Variants in GRIK2 observed in about 807,000 individuals in gnomAD.
The protein encoded by GRIK2 is glutamate ionotropic receptor kainate type subunit 2.
A neutral mutation model predicts 100.3 loss-of-function variants in GRIK2; 32 were observed. The ratio of observed to expected loss-of-function variants is 0.32; its 90% CI spans 0.24 to 0.43. GRIK2 has a LOEUF of 0.43. GRIK2 is among the 20% of genes least tolerant of loss of function. The pLI, the probability that GRIK2 is intolerant of heterozygous loss-of-function variation, is 1.00. For missense variants in GRIK2, 843 were observed against 1,114.9 expected (o/e 0.76, Z 3.47); for synonymous variants, 417 against 389.4 (o/e 1.07, Z -0.83).
At chr6:101,484,505 A>G (rs1772707952) in intron 2 of GRIK2, among the ~76,000 whole-genome samples, 1 of 151,444 alleles carries the variant, frequency 6.6e-6, no homozygotes, top group Admixed American at 6.6e-5. Context: ...CTTACACTGT[A>G]TTTTTATAAC....
chr6:101,937,329 CTG>C (rs1790678973), intron 14 of GRIK2, among the ~76,000 whole-genome samples: 1 of 152,114 alleles, frequency 6.6e-6, no homozygotes, highest in Admixed American at 6.6e-5. Context: ...AGCTCAAACA[CTG>C]TGTCCCAACT....
In GRIK2 at chr6:102,006,386, ATATATTTT is replaced by A. The variant is rs1169647782; in HGVS notation, c.2086-28953_2086-28946del. On this transcript the variant is annotated intron_variant, in intron 14 of 16. Coordinates refer to ENST00000369134, the MANE Select transcript of GRIK2 (RefSeq NM_021956.5). ...AAACCTTTTATATATATATATATAT[ATATATTTT>A]TTTTTTTTTTGAGACATACAGTGGA... Among the ~76,000 whole-genome samples the A allele has an allele frequency of 1.9e-4, 21 of 111,190 alleles. 1 individual carries two copies. The highest frequency in any genetic ancestry group is 1.1e-3 in the African/African-American group (19 of 17,190). The allele number at this position is 111,190 out of a possible 152,430, so 72.9% of individuals were successfully genotyped here.
intron 10 of GRIK2, among the ~76,000 whole-genome samples, chr6:101,830,260 A>G (rs925528838): frequency 8.5e-5 from 13 of 152,084 alleles, no homozygotes; most frequent in Non-Finnish European, 1.5e-5. Context: ...TTTTCACTCT[A>G]TACAAAAAGT....
At chr6:101,932,593 T>A (rs1045790813) in intron 14 of GRIK2, among the ~76,000 whole-genome samples, 10 of 151,802 alleles carry the variant, frequency 6.6e-5, no homozygotes, top group Non-Finnish European at 5.9e-5. Flanking sequence ...TTTTTTTTTT[T>A]AAACTTACAT....
intron 7 of GRIK2, among the ~76,000 whole-genome samples, chr6:101,750,815 T>C (rs1054697172): frequency 6.6e-6 from 1 of 152,188 alleles, no homozygotes; most frequent in African/African-American, 2.4e-5. Context: ...AGAGGAATAA[T>C]AGACTTTCCA....
chr6:101,544,360 C>T lies in GRIK2; in HGVS notation c.116-77589C>T, dbSNP rs1036279745. ...TTAAGGCATTCTTGTCACATGTCAT[C>T]ATTTAATACAAAGCTGAATGAAACT... On this transcript the variant is annotated intron_variant, in intron 2 of 16. Coordinates refer to ENST00000369134, the MANE Select transcript of GRIK2 (RefSeq NM_021956.5). Among the ~76,000 whole-genome samples, 3 of 152,134 alleles carry T rather than the reference C, an allele frequency of 2.0e-5. No individual in the cohort carries two copies. In the South Asian group the frequency reaches 6.2e-4, roughly 31 times the overall value.
At chr6:101,876,482 C>CAA (rs1213236596) in intron 11 of GRIK2, among the ~76,000 whole-genome samples, 8 of 54,566 alleles carry the variant, frequency 1.5e-4, no homozygotes, top group Non-Finnish European at 2.8e-4. Context: ...AAAACAAAAA[C>CAA]AAACACACAC....
At chr6:102,031,578 G>A (rs1034341944) in intron 14 of GRIK2, among the ~76,000 whole-genome samples, 2 of 151,154 alleles carry the variant, frequency 1.3e-5, no homozygotes, top group Non-Finnish European at 3.0e-5. Flanking sequence ...CCTAGGTAGT[G>A]AGCATAGTCT....
intron 2 of GRIK2, among the ~76,000 whole-genome samples, chr6:101,550,969 T>G (rs1167465201): frequency 6.6e-6 from 1 of 152,132 alleles, no homozygotes; most frequent in East Asian, 1.9e-4. Flanking sequence ...TTGGAGAATT[T>G]TATTGTTCTC....
At chr6:101,834,234 C>T (rs1202750437) in intron 10 of GRIK2, among the ~76,000 whole-genome samples, 2 of 151,942 alleles carry the variant, frequency 1.3e-5, no homozygotes, top group African/African-American at 4.8e-5. Context: ...AATTTCTTTC[C>T]CTTTTTTCTT....
intron 2 of GRIK2, among the ~76,000 whole-genome samples, chr6:101,549,000 G>T (rs1054714365): frequency 2.6e-5 from 4 of 152,084 alleles, no homozygotes; most frequent in African/African-American, 9.7e-5. Flanking sequence ...GTTATTGAGT[G>T]TATGATGCTA....
At chr6:101,468,984 C>T (rs1771804235) in intron 2 of GRIK2, among the ~76,000 whole-genome samples, 1 of 152,086 alleles carries the variant, frequency 6.6e-6, no homozygotes, top group Non-Finnish European at 1.5e-5. Flanking sequence ...AATACTGCTT[C>T]AGTTCTAGTG....
At chr6:101,677,692 C>T (rs190030274) in intron 5 of GRIK2, among the ~76,000 whole-genome samples, 1 of 152,032 alleles carries the variant, frequency 6.6e-6, no homozygotes, top group Non-Finnish European at 1.5e-5. Context: ...TGAGCTGACA[C>T]CTTTGTAGCT....
chr6:101,944,766 T>A (rs947519313), intron 14 of GRIK2, among the ~76,000 whole-genome samples: 6 of 152,084 alleles, frequency 3.9e-5, no homozygotes, highest in Admixed American at 2.0e-4. Context: ...ATAAAAGTGA[T>A]TTTTCACATT....
intron 15 of GRIK2, among the ~76,000 whole-genome samples, chr6:102,040,632 GTTGT>G (rs1232784449): frequency 6.6e-6 from 1 of 151,566 alleles, no homozygotes; most frequent in Non-Finnish European, 1.5e-5. Flanking sequence ...GTGGAGGTAC[GTTGT>G]TTGTTTGAGG....
At chr6:101,920,731 C>T (rs1262182940) in intron 12 of GRIK2, among the ~76,000 whole-genome samples, 3 of 146,306 alleles carry the variant, frequency 2.1e-5, no homozygotes, top group Admixed American at 6.8e-5. Flanking sequence ...AAATACAGGG[C>T]TTTTTTTTTT....
At chr6:101,695,580 G>A (rs1038871262) in intron 7 of GRIK2, among the ~76,000 whole-genome samples, 1 of 151,948 alleles carries the variant, frequency 6.6e-6, no homozygotes, top group Non-Finnish European at 1.5e-5. Context: ...TTACTAGAAA[G>A]ACAGTGTCAC....
At chr6:101,645,108 TACA>T (rs373328992) in intron 4 of GRIK2, among the ~76,000 whole-genome samples, 7 of 150,446 alleles carry the variant, frequency 4.7e-5, no homozygotes, top group South Asian at 2.1e-4. Context: ...ATCCTGACTG[TACA>T]ACAAGTAAGA....
chr6:101,624,919 GT>G (rs918801827), intron 3 of GRIK2, among the ~76,000 whole-genome samples: 6 of 151,906 alleles, frequency 3.9e-5, no homozygotes, highest in Non-Finnish European at 8.8e-5. Flanking sequence ...GTTTCTTTTT[GT>G]TTGTTTGTTT....
Sources: allele counts gnomAD v4.1 joint callset (sites outside exome capture counted in the v4.1 genomes callset), GRCh38; gene constraint gnomAD v4.1.1; transcripts MANE v1.5; gene names NCBI Gene and HGNC (gene_info 2026-07-23, HGNC 2026-07-21).